The following ZNF385D variants were observed in gnomAD, a reference collection of about 807,000 sequenced individuals.
The protein encoded by ZNF385D is zinc finger protein 659.
Under a neutral mutation model 35.8 loss-of-function variants are expected in ZNF385D, and 15 were observed. The observed-to-expected ratio is 0.42, with a 90% confidence interval of 0.28 to 0.64. The LOEUF (loss-of-function observed/expected upper bound fraction) is 0.64, where lower values mean the gene tolerates loss of function less well. Ranked by LOEUF, ZNF385D falls within the 30% of genes least tolerant of loss-of-function variation. The pLI is 0.23. For synonymous variants in ZNF385D, 212 were observed against 186.8 expected, an observed-to-expected ratio of 1.13 and a Z score of -1.10; for missense variants, 474 against 494.6, an observed-to-expected ratio of 0.96 and a Z score of 0.39.
At chr3:21,697,414 T>C (rs955623427) in intron 1 of ZNF385D, among the ~76,000 whole-genome samples, 13 of 152,318 alleles carry the variant, frequency 8.5e-5, no homozygotes, top group African/African-American at 3.1e-4. Context: ...TTGTTTTGAG[T>C]GTCCTATTTG....
chr3:21,669,073 G>A (rs1012450215), intron 1 of ZNF385D, among the ~76,000 whole-genome samples: 2 of 152,136 alleles, frequency 1.3e-5, no homozygotes, highest in African/African-American at 4.8e-5. Context: ...AGCCTCCATG[G>A]AGTAGGGTCA....
chr3:21,805,614 G>A (rs1360887578), intron 3 of ZNF385D, among the ~76,000 whole-genome samples: 1 of 152,108 alleles, frequency 6.6e-6, no homozygotes, highest in Middle Eastern at 3.2e-3. Context: ...TGTCATTTGT[G>A]AAATAAAAAA....
At position 21,496,265 on chromosome 3, in the gene ZNF385D, T is replaced by G. The variant is rs560776725; in HGVS notation, c.439+14596A>C. On this transcript the variant is annotated intron_variant, in intron 4 of 7. Coordinates refer to ENST00000281523, the MANE Select transcript of ZNF385D (RefSeq NM_024697.3). Reference sequence around the variant, plus strand: ...AAAAGTAAATAAATATATATATAATTTATATATATATTTATTTACATATAT... The same window carrying G: ...AAAAGTAAATAAATATATATATAATGTATATATATATTTATTTACATATAT... 2.7e-3 allele frequency among the ~76,000 whole-genome samples: 403 copies of G among 146,714 alleles called. 1 individual carries two copies. The highest frequency in any genetic ancestry group is 9.6e-3 in the African/African-American group (389 of 40,436).
intron 3 of ZNF385D, among the ~76,000 whole-genome samples, chr3:21,558,660 A>G (rs542930286): frequency 9.2e-5 from 14 of 152,314 alleles, no homozygotes; most frequent in Admixed American, 6.5e-4. Flanking sequence ...GTAGATGTCT[A>G]TTGGGCCCGC....
intron 2 of ZNF385D, among the ~76,000 whole-genome samples, chr3:22,216,839 T>G (rs1001329988): frequency 2.0e-5 from 3 of 152,128 alleles, no homozygotes; most frequent in Admixed American, 1.3e-4. Flanking sequence ...CTCCCAGTCT[T>G]GCCCAAAAAA....
intron 3 of ZNF385D, among the ~76,000 whole-genome samples, chr3:21,780,253 C>G (rs76343797): frequency 1.3e-5 from 2 of 151,974 alleles, no homozygotes; most frequent in Admixed American, 1.3e-4. Context: ...TCCTATGAGA[C>G]GAGTTTCACA....
Position 21,751,178 on chromosome 3 carries a change from C to A in ZNF385D, c.-262G>T. On this transcript the variant is annotated 5_prime_UTR_variant, in exon 1 of 8. Transcript: ENST00000281523. ...CTTACTGTAATCCGACTCCTCCTTG[C>A]GATGTCCTTGCCGCGCCTGTGACAT... The A allele has an allele frequency of 7.2e-7, 1 of 1,390,654 alleles. No individual in the cohort carries two copies. Among genetic ancestry groups the A allele is most frequent in the Non-Finnish European group, 9.3e-7 (1 of 1,071,746 alleles). The allele number at this position is 1,390,654 out of a possible 1,614,324, so 86.1% of individuals were successfully genotyped here.
At chr3:22,199,493 C>T (rs1263113320) in intron 2 of ZNF385D, among the ~76,000 whole-genome samples, 2 of 152,040 alleles carry the variant, frequency 1.3e-5, no homozygotes, top group Non-Finnish European at 2.9e-5. Context: ...CACTTGGCAG[C>T]TTCCATAGAG....
intron 1 of ZNF385D, among the ~76,000 whole-genome samples, chr3:21,725,440 A>G (rs960008105): frequency 1.3e-5 from 2 of 152,186 alleles, no homozygotes; most frequent in Non-Finnish European, 2.9e-5. Flanking sequence ...CGCTAGCCAG[A>G]TTAATAAAGA....
intron 1 of ZNF385D, among the ~76,000 whole-genome samples, chr3:21,750,582 A>G (rs1386515181): frequency 6.6e-6 from 1 of 152,180 alleles, no homozygotes; most frequent in African/African-American, 2.4e-5. Context: ...CCCACGCTGC[A>G]CTATTTCTCC....
intron 3 of ZNF385D, among the ~76,000 whole-genome samples, chr3:22,022,142 A>C (rs1437042385): frequency 6.6e-6 from 1 of 152,140 alleles, no homozygotes; most frequent in African/African-American, 2.4e-5. Flanking sequence ...TTTCTTAACC[A>C]TAAATACATC....
intron 3 of ZNF385D, among the ~76,000 whole-genome samples, chr3:22,135,765 T>G (rs1704062077): frequency 6.6e-6 from 1 of 152,178 alleles, no homozygotes; most frequent in Non-Finnish European, 1.5e-5. Flanking sequence ...CATTGTAGTT[T>G]TGGTAAAAAA....
intron 3 of ZNF385D, among the ~76,000 whole-genome samples, chr3:22,123,174 GGAAGA>G (rs1011609342): frequency 7.2e-5 from 11 of 152,134 alleles, no homozygotes; most frequent in South Asian, 2.1e-4. Flanking sequence ...GAGACAGGAT[GGAAGA>G]GAAGAGAAGA....
At chr3:21,818,163 C>T (rs2073236213) in intron 3 of ZNF385D, among the ~76,000 whole-genome samples, 1 of 150,326 alleles carries the variant, frequency 6.7e-6, no homozygotes, top group Non-Finnish European at 1.5e-5. Context: ...GAACACCACA[C>T]ACGGGGGCCT....
intron 3 of ZNF385D, among the ~76,000 whole-genome samples, chr3:22,081,473 A>T (rs1700746816): frequency 6.6e-6 from 1 of 152,216 alleles, no homozygotes; most frequent in South Asian, 2.1e-4. Context: ...TGTAAAAATT[A>T]AGATGTTGTT....
chr3:21,563,220 A>G (rs1559408741), intron 3 of ZNF385D: 1 of 152,266 alleles, frequency 6.6e-6, no homozygotes. Context: ...GTGAAAATAC[A>G]GTGAAAATAT....
rs1028014494 is a variant in ZNF385D at position 21,465,047 on chromosome 3, T to C, written c.440-27844A>G. On this transcript the variant is annotated intron_variant, in intron 4 of 7. Coordinates refer to ENST00000281523, the MANE Select transcript of ZNF385D (RefSeq NM_024697.3). This position sits in a 1 kb window ranked among gnomAD's most constrained non-coding sequence, Gnocchi z 4.2. Reference sequence around the variant, plus strand: ...TTCTTTCTCATTAAATACTTTGTCATTTTTACAGAAAGATTTCATATCCAG... The same window carrying C: ...TTCTTTCTCATTAAATACTTTGTCACTTTTACAGAAAGATTTCATATCCAG... Among the ~76,000 whole-genome samples the C allele has an allele frequency of 1.3e-5, 2 of 152,156 alleles. No individual in the cohort carries two copies. The highest frequency in any genetic ancestry group is 2.9e-5 in the Non-Finnish European group (2 of 68,024).
intron 3 of ZNF385D, among the ~76,000 whole-genome samples, chr3:21,810,550 A>G (rs997694527): frequency 4.6e-5 from 7 of 152,086 alleles, no homozygotes; most frequent in Non-Finnish European, 2.9e-5. Flanking sequence ...GTGTGTATGT[A>G]TGTATGTATA....
intron 2 of ZNF385D, among the ~76,000 whole-genome samples, chr3:21,592,429 A>G (rs979831525): frequency 1.3e-5 from 2 of 152,136 alleles, no homozygotes; most frequent in South Asian, 2.1e-4. Flanking sequence ...AATGATTGCT[A>G]CAGATGGCAA....
Sources: allele counts gnomAD v4.1 joint callset (sites outside exome capture counted in the v4.1 genomes callset), GRCh38; gene constraint gnomAD v4.1.1; non-coding constraint Gnocchi (gnomAD v3.1); transcripts MANE v1.5; gene names NCBI Gene and HGNC (gene_info 2026-07-23, HGNC 2026-07-21).